THUMPD2: variants seen among roughly 807,000 people sequenced by gnomAD.
THUMPD2 encodes THUMP domain 2 tRNA and snRNA guanosine methyltransferase.
Under a neutral mutation model 49.4 loss-of-function variants are expected in THUMPD2, and 56 were observed. The ratio of observed to expected loss-of-function variants is 1.13; its 90% CI spans 0.91 to 1.41. The LOEUF (loss-of-function observed/expected upper bound fraction) is 1.41. Among genes scored for constraint, THUMPD2 ranks in the 40% most tolerant of loss-of-function variants. The probability of loss-of-function intolerance (pLI) is 0.00; values close to 1 mark genes in which losing one functional copy is unlikely to be tolerated. For synonymous variants in THUMPD2, 237 were observed against 205.2 expected (o/e 1.15, Z -1.32); for missense variants, 709 against 594.5 (o/e 1.19, Z -2.00).
At chr2:39,777,112 A>C (rs923325727) in intron 1 of THUMPD2, among the ~76,000 whole-genome samples, 4 of 152,214 alleles carry the variant, frequency 2.6e-5, no homozygotes, top group Non-Finnish European at 4.4e-5. Flanking sequence ...TGTACAACTC[A>C]TTGTATGGGA....
At chr2:39,757,682 G>A (rs567530772) in intron 6 of THUMPD2, among the ~76,000 whole-genome samples, 13 of 152,274 alleles carry the variant, frequency 8.5e-5, no homozygotes, top group Admixed American at 1.3e-4. Context: ...CACAGGCTGA[G>A]GTAGAGATGT....
intron 1 of THUMPD2, 115 bp downstream of exon 1, chr2:39,778,999 T>C (rs1177894151): frequency 7.8e-7 from 1 of 1,285,928 alleles, no homozygotes; most frequent in Admixed American, 4.2e-5. Context: ...TCGGCGACCG[T>C]CGCGTGGAAC....
chr2:39,763,383 T>A (rs1295667950), intron 5 of THUMPD2, among the ~76,000 whole-genome samples: 1 of 152,086 alleles, frequency 6.6e-6, no homozygotes, highest in African/African-American at 2.4e-5. Flanking sequence ...CATTTTCTTG[T>A]GCCACGTACT....
chr2:39,737,951 C>T (rs1261886037), intron 9 of THUMPD2, among the ~76,000 whole-genome samples: 1 of 152,058 alleles, frequency 6.6e-6, no homozygotes, highest in Admixed American at 6.5e-5. Flanking sequence ...CAGCTTGGAA[C>T]GTGCTGATGT....
At chr2:39,762,065 T>C (rs1204848175) in intron 5 of THUMPD2, among the ~76,000 whole-genome samples, 2 of 152,206 alleles carry the variant, frequency 1.3e-5, no homozygotes, top group South Asian at 2.1e-4. Flanking sequence ...CCAGATTTGA[T>C]AGAAATTTTC....
At chr2:39,759,742 C>A (rs1390000072) in intron 6 of THUMPD2, among the ~76,000 whole-genome samples, 2 of 152,098 alleles carry the variant, frequency 1.3e-5, no homozygotes, top group African/African-American at 4.8e-5. Flanking sequence ...AGCTAAATGA[C>A]AATGGAACAG....
At position 39,737,311 on chromosome 2, in the gene THUMPD2, C is replaced by T. The variant is rs759936300; in HGVS notation, c.1188-252G>A. Among the ~76,000 whole-genome samples, 6 of 151,932 alleles carry T rather than the reference C, an allele frequency of 3.9e-5. No individual in the cohort carries two copies. The South Asian group carries it at 6.2e-4, about 16-fold the overall frequency. On this transcript the variant is annotated intron_variant, in intron 9 of 9. Coordinates refer to ENST00000505747, the MANE Select transcript of THUMPD2 (RefSeq NM_025264.5). ...CAAGCCTCAAAGTAATTTGTAGTCACGGTCTAATAAATGATTGTATAAAGG... is the reference window on the plus strand; with the variant it reads ...CAAGCCTCAAAGTAATTTGTAGTCATGGTCTAATAAATGATTGTATAAAGG...
chr2:39,776,880 T>C (rs1389479045), intron 1 of THUMPD2, among the ~76,000 whole-genome samples: 1 of 152,220 alleles, frequency 6.6e-6, no homozygotes, highest in African/African-American at 2.4e-5. Context: ...GAAAACCTTT[T>C]GGGGCTGGCA....
intron 1 of THUMPD2, among the ~76,000 whole-genome samples, 154 bp downstream of exon 1, chr2:39,778,960 C>A (rs1015788606): frequency 6.6e-6 from 1 of 152,226 alleles, no homozygotes; most frequent in Non-Finnish European, 1.5e-5. Context: ...TCGGCCGGAG[C>A]GGAAGCGCCT....
At chr2:39,778,336 T>G (rs538460036) in intron 1 of THUMPD2, among the ~76,000 whole-genome samples, 1 of 152,248 alleles carries the variant, frequency 6.6e-6, no homozygotes, top group African/African-American at 2.4e-5. Flanking sequence ...ACTGACATAA[T>G]TCTTCACGAC....
chr2:39,736,076 C>T lies in THUMPD2; in HGVS notation c.*659G>A, dbSNP rs1673053252. 6.6e-6 allele frequency: 1 copy of T among 152,222 alleles called. No homozygotes were observed. The highest frequency in any genetic ancestry group is 2.4e-5 in the African/African-American group (1 of 41,458). The allele number at this position is 152,222 out of a possible 1,614,324, so 9.4% of individuals were successfully genotyped here. On this transcript the variant is annotated 3_prime_UTR_variant, in exon 10 of 10. Coordinates refer to ENST00000505747, the MANE Select transcript of THUMPD2 (RefSeq NM_025264.5). ...AGAGCATATATTCTCCTCAAACTTA[C>T]TGTTTCTTTTTCTCAGGTAGTGAAC...
Position 39,769,892 on chromosome 2 carries a change from C to G in THUMPD2, c.490G>C (p.Glu164Gln), listed in dbSNP as rs1182112423. 1 of 1,599,186 alleles carries G rather than the reference C, an allele frequency of 6.3e-7. No individual in the cohort carries two copies. The highest frequency in any genetic ancestry group is 8.5e-7 in the Non-Finnish European group (1 of 1,176,238). Residue 164 changes from glutamate to glutamine, a missense_variant, in exon 3 of 10, where the codon GAA becomes CAA. Physicochemically the swap from Glu to Gln is conservative, Grantham distance 29 (BLOSUM62 2). Transcript: ENST00000505747. ...KIEENRDCQL[E>Q]KQIKEETLEQ... is the part of the protein sequence containing the mutation. Reference sequence around the variant, plus strand: ...AGAGTTTCTTCTTTTATTTGTTTTTCCAGCTGGCAGTCCCTATTCTCTTCT... The same window carrying G: ...AGAGTTTCTTCTTTTATTTGTTTTTGCAGCTGGCAGTCCCTATTCTCTTCT...
At chr2:39,773,609 AT>A (rs1678657271) in intron 1 of THUMPD2, among the ~76,000 whole-genome samples, 2 of 135,830 alleles carry the variant, frequency 1.5e-5, no homozygotes, top group Admixed American at 1.5e-4. Flanking sequence ...TATTTTAAAA[AT>A]ATATATATAT....
At chr2:39,738,979 T>C (rs1176079706) in intron 9 of THUMPD2, among the ~76,000 whole-genome samples, 1 of 152,152 alleles carries the variant, frequency 6.6e-6, no homozygotes, top group South Asian at 2.1e-4. Context: ...CTTAGGTAGC[T>C]TTCCCTAGTC....
At chr2:39,760,313 T>C (rs1676656758) in intron 6 of THUMPD2, among the ~76,000 whole-genome samples, 1 of 152,086 alleles carries the variant, frequency 6.6e-6, no homozygotes. Flanking sequence ...ACGGTGTGTC[T>C]TGGCAGAGGG....
At chr2:39,776,001 G>C (rs1679044095) in intron 1 of THUMPD2, among the ~76,000 whole-genome samples, 1 of 152,090 alleles carries the variant, frequency 6.6e-6, no homozygotes, top group Non-Finnish European at 1.5e-5. Context: ...AAAGATCAAT[G>C]AATCAACTGA....
intron 9 of THUMPD2, among the ~76,000 whole-genome samples, chr2:39,739,662 C>T (rs530819548): frequency 1.3e-5 from 2 of 152,232 alleles, no homozygotes; most frequent in Admixed American, 6.5e-5. Flanking sequence ...GACTTCCAAA[C>T]GTGTCTGGGG....
At chr2:39,761,823 A>G (rs146540200) in intron 5 of THUMPD2, among the ~76,000 whole-genome samples, 1 of 152,206 alleles carries the variant, frequency 6.6e-6, no homozygotes, top group Non-Finnish European at 1.5e-5. Flanking sequence ...AACTGAAGGG[A>G]TGCTAACCCT....
At chr2:39,751,325 A>G (rs886129315) in intron 8 of THUMPD2, among the ~76,000 whole-genome samples, 26 of 152,284 alleles carry the variant, frequency 1.7e-4, no homozygotes, top group Non-Finnish European at 2.8e-4. Flanking sequence ...TCTTACTACA[A>G]GAGTGGAAAC....
Sources: gnomAD v4.1 joint callset for allele counts (sites outside exome capture counted in the v4.1 genomes callset) on GRCh38, gnomAD v4.1.1 for gene constraint, MANE v1.5 for transcripts, NCBI Gene and HGNC (gene_info 2026-07-23, HGNC 2026-07-21) for gene names.